The following ANKS1B variants were observed in gnomAD, a reference collection of about 807,000 sequenced individuals.
The protein encoded by ANKS1B is ankyrin repeat and sterile alpha motif domain-containing protein 1B.
A neutral mutation model predicts 148.3 loss-of-function variants in ANKS1B; 36 were observed. That is an observed-to-expected ratio of 0.24 (90% CI 0.19 to 0.32). The LOEUF (loss-of-function observed/expected upper bound fraction) is 0.32, where lower values mean the gene tolerates loss of function less well. Ranked by LOEUF, ANKS1B falls within the 10% of genes least tolerant of loss-of-function variation. The probability of loss-of-function intolerance (pLI) is 1.00; values close to 1 mark genes in which losing one functional copy is unlikely to be tolerated. For synonymous variants in ANKS1B, 542 were observed against 560.8 expected, an observed-to-expected ratio of 0.97 and a Z score of 0.47; for missense variants, 1,157 against 1,542.6, an observed-to-expected ratio of 0.75 and a Z score of 4.19.
chr12:99,498,142 G>A (rs1048819035), intron 10 of ANKS1B, among the ~76,000 whole-genome samples: 26 of 152,042 alleles, frequency 1.7e-4, no homozygotes, highest in African/African-American at 5.6e-4. Context: ...GTCATTTCTT[G>A]CTGAGTGTAT....
chr12:99,045,251 T>G (rs965067491), intron 17 of ANKS1B, among the ~76,000 whole-genome samples: 12 of 152,236 alleles, frequency 7.9e-5, no homozygotes. Context: ...TCAGGTTCTA[T>G]GGAGGCACAT....
chr12:99,193,766 A>C (rs1434088443), intron 14 of ANKS1B, among the ~76,000 whole-genome samples: 1 of 150,160 alleles, frequency 6.7e-6, no homozygotes, highest in African/African-American at 2.4e-5. Context: ...TAGTGTAAGA[A>C]GACAGATTTT....
intron 1 of ANKS1B, among the ~76,000 whole-genome samples, chr12:99,967,918 A>G (rs1043564670): frequency 9.2e-5 from 14 of 151,720 alleles, no homozygotes; most frequent in African/African-American, 2.2e-4. Context: ...AAAAAAAAAA[A>G]AAAAAGAAAA....
At chr12:99,861,444 T>G (rs1315704849) in intron 1 of ANKS1B, among the ~76,000 whole-genome samples, 7 of 152,204 alleles carry the variant, frequency 4.6e-5, no homozygotes, top group Admixed American at 4.6e-4. Context: ...AGAACTTTAT[T>G]CATTTTCTAA....
intron 12 of ANKS1B, among the ~76,000 whole-genome samples, chr12:99,284,547 C>A: frequency 6.6e-6 from 1 of 152,246 alleles, no homozygotes; most frequent in South Asian, 2.1e-4. Flanking sequence ...TTCCTGTATC[C>A]TTCCCTCCAT....
chr12:99,362,066 G>A (rs997903153), intron 12 of ANKS1B, among the ~76,000 whole-genome samples: 2 of 151,878 alleles, frequency 1.3e-5, no homozygotes, highest in African/African-American at 2.4e-5. Context: ...CCTAATAATC[G>A]ACTTCATTGT....
intron 10 of ANKS1B, among the ~76,000 whole-genome samples, chr12:99,499,294 A>T (rs1255648005): frequency 1.3e-5 from 2 of 152,166 alleles, no homozygotes; most frequent in Non-Finnish European, 2.9e-5. Flanking sequence ...AATTATTATG[A>T]ATTAAGCCTG....
intron 1 of ANKS1B, among the ~76,000 whole-genome samples, chr12:99,833,494 C>T (rs2084347695): frequency 6.6e-6 from 1 of 152,058 alleles, no homozygotes; most frequent in Non-Finnish European, 1.5e-5. Flanking sequence ...AGATGGTATC[C>T]ATATGAATAG....
chr12:99,961,679 A>C (rs2095414161), intron 1 of ANKS1B, among the ~76,000 whole-genome samples: 1 of 152,234 alleles, frequency 6.6e-6, no homozygotes, highest in Non-Finnish European at 1.5e-5. Context: ...CCTTTTCTGC[A>C]ACTCCTTTCA....
chr12:99,693,398 A>G (rs1187599149), intron 8 of ANKS1B, among the ~76,000 whole-genome samples: 1 of 152,220 alleles, frequency 6.6e-6, no homozygotes, highest in Non-Finnish European at 1.5e-5. Context: ...ATGACAGTAG[A>G]TATCTCTTTC....
chr12:99,677,658 C>G (rs897208362), intron 8 of ANKS1B, among the ~76,000 whole-genome samples: 3 of 152,142 alleles, frequency 2.0e-5, no homozygotes, highest in Non-Finnish European at 4.4e-5. Context: ...ATAAATTCTC[C>G]ATTTTTTAAG....
intron 1 of ANKS1B, among the ~76,000 whole-genome samples, chr12:99,928,273 T>TTTTTA (rs1566017338): frequency 4.8e-5 from 4 of 82,510 alleles, no homozygotes; most frequent in Non-Finnish European, 8.8e-5. Context: ...TTTATTTTAT[T>TTTTTA]TTTTTTTTTT....
chr12:99,898,423 C>T lies in ANKS1B; in HGVS notation c.135-73034G>A, dbSNP rs151055682. Among the ~76,000 whole-genome samples the T allele has an allele frequency of 1.7e-3, 255 of 152,234 alleles. 1 individual carries two copies. The highest frequency in any genetic ancestry group is 6.8e-3 in the Middle Eastern group (2 of 294). Reference sequence around the variant, plus strand: ...CTTTCTGTCCTCCAAAAAGAAAAAACCTTCCCCAAGGAACAGCAAGAAAGA... The same window carrying T: ...CTTTCTGTCCTCCAAAAAGAAAAAATCTTCCCCAAGGAACAGCAAGAAAGA... On this transcript the variant is annotated intron_variant, in intron 1 of 26. Transcript: ENST00000683438.
intron 1 of ANKS1B, among the ~76,000 whole-genome samples, chr12:99,920,862 T>C (rs2094331200): frequency 6.6e-6 from 1 of 152,152 alleles, no homozygotes; most frequent in South Asian, 2.1e-4. Flanking sequence ...CCCACATGGG[T>C]GAGGACAATC....
rs2099792601 is a variant in ANKS1B, at chr12:98,915,219, A to C, written c.2779-83083T>G. 2.0e-5 allele frequency among the ~76,000 whole-genome samples: 3 copies of C among 152,344 alleles called. 1 individual carries two copies. The South Asian group carries it at 6.2e-4, about 32-fold the overall frequency. On this transcript the variant is annotated intron_variant, in intron 17 of 26. Transcript: ENST00000683438. ...GAAAGAATGGCATGTGAAGAGAAGG[A>C]GATATCCATAGAGGGAAGATGATGT... is the stretch of plus-strand genomic sequence containing the variant.
intron 9 of ANKS1B, among the ~76,000 whole-genome samples, chr12:99,615,957 T>G (rs916459915): frequency 3.9e-5 from 6 of 151,998 alleles, no homozygotes; most frequent in African/African-American, 1.4e-4. Context: ...GGGTACAAAA[T>G]CAATGTGCAA....
chr12:99,089,069 T>A (rs916904374), intron 15 of ANKS1B, among the ~76,000 whole-genome samples: 1 of 151,818 alleles, frequency 6.6e-6, no homozygotes, highest in African/African-American at 2.4e-5. Flanking sequence ...AGGTGATCCA[T>A]CTGCCTCGGC....
At chr12:99,983,678 G>A (rs2095741645) in intron 1 of ANKS1B, among the ~76,000 whole-genome samples, 1 of 152,206 alleles carries the variant, frequency 6.6e-6, no homozygotes, top group South Asian at 2.1e-4. Flanking sequence ...AGGAGCCACC[G>A]AAGGCTGTGG....
chr12:98,996,221 G>A (rs954574826), intron 17 of ANKS1B, among the ~76,000 whole-genome samples: 11 of 152,112 alleles, frequency 7.2e-5, no homozygotes, highest in African/African-American at 2.4e-4. Flanking sequence ...AAGTTGAAGA[G>A]GAAAGGGAAT....
Sources: gnomAD v4.1 joint callset for allele counts (sites outside exome capture counted in the v4.1 genomes callset) on GRCh38, gnomAD v4.1.1 for gene constraint, MANE v1.5 for transcripts, NCBI Gene and HGNC (gene_info 2026-07-23, HGNC 2026-07-21) for gene names.